Variants in TNIK observed in about 807,000 individuals in gnomAD.
TNIK encodes the protein TRAF2 and NCK interacting kinase, also known as TRAF2 and NCK-interacting protein kinase.
TNIK carries 49 observed loss-of-function variants against 191.3 expected under a neutral mutation model. The observed-to-expected ratio is 0.26, with a 90% CI of 0.20 to 0.32. The LOEUF is 0.32. Among genes scored for constraint, TNIK ranks in the 10% least tolerant of loss-of-function variants. The pLI, the probability that TNIK is intolerant of heterozygous loss-of-function variation, is 1.00. For synonymous variants in TNIK, 594 were observed against 600.9 expected (o/e 0.99, Z 0.17); for missense variants, 1,155 against 1,702.3 (o/e 0.68, Z 5.66).
At chr3:171,114,658 T>C (rs767855913) in intron 18 of TNIK, among the ~76,000 whole-genome samples, 16 of 152,284 alleles carry the variant, frequency 1.1e-4, no homozygotes, top group Non-Finnish European at 2.2e-4. Context: ...ATGTAGACCC[T>C]AATCATATTA....
intron 2 of TNIK, among the ~76,000 whole-genome samples, chr3:171,338,297 T>A (rs1051685230): frequency 3.3e-5 from 5 of 152,180 alleles, no homozygotes; most frequent in Admixed American, 6.5e-5. Context: ...TGTGTATATA[T>A]GAAATCCCAC....
At chr3:171,202,149 C>G (rs1311643302) in intron 4 of TNIK, among the ~76,000 whole-genome samples, 3 of 151,990 alleles carry the variant, frequency 2.0e-5, no homozygotes, top group Admixed American at 6.6e-5. Context: ...TTAGCTGCAT[C>G]TTGTATTTGG....
At chr3:171,206,785 C>G (rs75104509) in intron 4 of TNIK, among the ~76,000 whole-genome samples, 3,645 of 152,148 alleles carry the variant, frequency 0.024, 136 homozygotes, top group African/African-American at 0.084. Context: ...TCAGGATCTG[C>G]AAAAGGGCGA....
At chr3:171,328,612 C>T (rs564138118) in intron 2 of TNIK, among the ~76,000 whole-genome samples, 12 of 152,268 alleles carry the variant, frequency 7.9e-5, no homozygotes, top group African/African-American at 2.9e-4. Flanking sequence ...AAAAGCTTCT[C>T]TTTTAAGATG....
intron 23 of TNIK, among the ~76,000 whole-genome samples, chr3:171,088,674 C>G (rs940288292): frequency 6.6e-6 from 1 of 152,198 alleles, no homozygotes; most frequent in African/African-American, 2.4e-5. Context: ...AGCCATTGCT[C>G]TGGAGAGCAG....
At chr3:171,371,853 T>C (rs1287527672) in intron 1 of TNIK, among the ~76,000 whole-genome samples, 44 of 152,204 alleles carry the variant, frequency 2.9e-4, no homozygotes, top group Admixed American at 2.8e-3. Context: ...TGCTTGGTGG[T>C]GTTTCTGCAA....
At chr3:171,408,407 C>T (rs1721980297) in intron 1 of TNIK, among the ~76,000 whole-genome samples, 1 of 152,192 alleles carries the variant, frequency 6.6e-6, no homozygotes, top group Non-Finnish European at 1.5e-5. Context: ...CAACAGGAGC[C>T]AGGGCCTAGA....
chr3:171,457,003 T>G (rs986315142), intron 1 of TNIK, among the ~76,000 whole-genome samples: 1 of 152,234 alleles, frequency 6.6e-6, no homozygotes, highest in African/African-American at 2.4e-5. Context: ...AAGTGTTCAA[T>G]GAAAGGAGTG....
intron 6 of TNIK, among the ~76,000 whole-genome samples, chr3:171,189,921 T>C (rs908578536): frequency 1.3e-5 from 2 of 152,192 alleles, no homozygotes; most frequent in Non-Finnish European, 1.5e-5. Context: ...ATGGAAGTCA[T>C]ATATTTCAAC....
At chr3:171,356,119 ATCAAT>A (rs1293570096) in intron 2 of TNIK, among the ~76,000 whole-genome samples, 3 of 152,242 alleles carry the variant, frequency 2.0e-5, no homozygotes, top group African/African-American at 4.8e-5. Flanking sequence ...GAGCGAATAA[ATCAAT>A]TCAATTCATT....
intron 1 of TNIK, among the ~76,000 whole-genome samples, chr3:171,451,614 G>A (rs949245210): frequency 2.1e-4 from 32 of 152,198 alleles, no homozygotes; most frequent in African/African-American, 7.7e-4. Context: ...AGCCCTCCAT[G>A]TGAAATTTCT....
intron 7 of TNIK, among the ~76,000 whole-genome samples, chr3:171,180,436 C>T (rs1736505741): frequency 6.6e-6 from 1 of 152,130 alleles, no homozygotes; most frequent in Non-Finnish European, 1.5e-5. Flanking sequence ...ATTGCTTGTG[C>T]CCTTTACCTC....
chr3:171,290,148 C>T (rs1420772971), intron 2 of TNIK, among the ~76,000 whole-genome samples: 1 of 152,174 alleles, frequency 6.6e-6, no homozygotes, highest in Admixed American at 6.5e-5. Flanking sequence ...TGAGAAGGCA[C>T]GTACTACTCT....
chr3:171,439,572 T>C (rs1020252755), intron 1 of TNIK: 2 of 152,128 alleles, frequency 1.3e-5, no homozygotes, highest in African/African-American at 4.8e-5. Flanking sequence ...GCTATAAATA[T>C]TGGTATTAAA....
intron 22 of TNIK, 141 bp from the exon 23 acceptor site, chr3:171,094,109 T>C: frequency 8.7e-7 from 1 of 1,144,804 alleles, no homozygotes; most frequent in Non-Finnish European, 1.2e-6. Context: ...TAAGTGTACA[T>C]GTCAGTGGTC....
chr3:171,435,780 A>G (rs1725958890), intron 1 of TNIK, among the ~76,000 whole-genome samples: 1 of 152,230 alleles, frequency 6.6e-6, no homozygotes, highest in Non-Finnish European at 1.5e-5. Context: ...GGTTTTTCAT[A>G]CAAAGCAAGA....
chr3:171,346,486 G>T (rs753370001), intron 2 of TNIK, among the ~76,000 whole-genome samples: 2 of 152,100 alleles, frequency 1.3e-5, no homozygotes, highest in African/African-American at 4.8e-5. Flanking sequence ...TCTTTGGTAG[G>T]TCTGTGCTAG....
At chr3:171,232,170 A>G (rs1319791209) in intron 2 of TNIK, among the ~76,000 whole-genome samples, 1 of 152,096 alleles carries the variant, frequency 6.6e-6, no homozygotes, top group African/African-American at 2.4e-5. Flanking sequence ...AAATATAGAC[A>G]CCATCTAAAT....
At chr3:171,138,052 C>G in intron 15 of TNIK, 139 bp downstream of exon 15, 4 of 671,630 alleles carry the variant, frequency 6.0e-6, no homozygotes, top group Non-Finnish European at 8.5e-6. Context: ...TGTTATAGTT[C>G]TTGCAAAAGC....
Sources: allele counts gnomAD v4.1 joint callset (sites outside exome capture counted in the v4.1 genomes callset), GRCh38; gene constraint gnomAD v4.1.1; transcripts MANE v1.5; gene names NCBI Gene and HGNC (gene_info 2026-07-23, HGNC 2026-07-21).